Variants in RANBP2 observed in about 807,000 individuals in gnomAD.
The protein encoded by RANBP2 is E3 SUMO-protein ligase RanBP2.
In RANBP2, 57 loss-of-function variants were observed where a neutral mutation model predicts 303.6. That is an observed-to-expected ratio of 0.19 (90% CI 0.15 to 0.23). The LOEUF (loss-of-function observed/expected upper bound fraction) is 0.23. Ranked by LOEUF, RANBP2 falls within the 10% of genes least tolerant of loss-of-function variation. RANBP2 has a pLI of 1.00. For synonymous variants in RANBP2, 1,167 were observed against 1,301.5 expected (o/e 0.90, Z 2.23); for missense variants, 3,138 against 3,780.8 (o/e 0.83, Z 4.46).
At chr2:109,281,522 A>G in the RANBP2 span, among the ~76,000 whole-genome samples, 1 of 152,186 alleles carries the variant, frequency 6.6e-6, no homozygotes, top group African/African-American at 2.4e-5. Context: ...GCTGGTCCTC[A>G]GCAGAGCATG....
chr2:109,369,938 T>A, the RANBP2 span, among the ~76,000 whole-genome samples: 1 of 152,120 alleles, frequency 6.6e-6, no homozygotes, highest in East Asian at 1.9e-4. Context: ...GAAAGGCGGG[T>A]GGTGCACTCA....
the RANBP2 span, among the ~76,000 whole-genome samples, chr2:109,349,326 C>G: frequency 6.6e-6 from 1 of 152,230 alleles, no homozygotes; most frequent in East Asian, 1.9e-4. Context: ...CTTCTCCCTT[C>G]CTTTTATCAA....
chr2:109,059,448 G>A, the RANBP2 span, among the ~76,000 whole-genome samples: 1 of 152,050 alleles, frequency 6.6e-6, no homozygotes, highest in African/African-American at 2.4e-5. Context: ...GGCGGTGGGT[G>A]CCTGTAGTCC....
At position 108,766,113 on chromosome 2, in the gene RANBP2, A is replaced by T. The variant is rs879704165; in HGVS notation, c.5574A>T (p.Gly1858=). 30 of 1,614,076 alleles carry T rather than the reference A, an allele frequency of 1.9e-5. No homozygotes were observed. Among genetic ancestry groups the T allele is most frequent in the Non-Finnish European group, 2.5e-5 (29 of 1,180,008 alleles). Residue 1858 remains glycine, a synonymous_variant, in exon 20 of 29, where the codon GGA becomes GGT. Transcript: ENST00000283195. ...KASKFGNTEQ[G]FKFGHVDQEN... ...CTAAGTTTGGCAATACAGAGCAAGG[A>T]TTCAAATTTGGGCATGTGGATCAAG...
the RANBP2 span, among the ~76,000 whole-genome samples, chr2:109,688,199 G>A: frequency 2.0e-5 from 3 of 152,194 alleles, no homozygotes; most frequent in East Asian, 1.9e-4. Context: ...CCTATTTCTC[G>A]GGGCAACAGC....
chr2:109,225,168 T>G, the RANBP2 span, among the ~76,000 whole-genome samples: 1 of 152,218 alleles, frequency 6.6e-6, no homozygotes. Flanking sequence ...TGAGGTTCTA[T>G]GGCTTCTGCT....
At chr2:109,728,931 C>T in the RANBP2 span, among the ~76,000 whole-genome samples, 1 of 152,060 alleles carries the variant, frequency 6.6e-6, no homozygotes, top group East Asian at 1.9e-4. Flanking sequence ...ATTTAACATT[C>T]GGTACCATCT....
the RANBP2 span, chr2:109,585,146 G>T: frequency 6.3e-7 from 1 of 1,575,680 alleles, no homozygotes; most frequent in Non-Finnish European, 8.6e-7. Context: ...TATTTATTTG[G>T]TCACCAAATC....
At chr2:109,466,220 C>G in the RANBP2 span, among the ~76,000 whole-genome samples, 1 of 151,614 alleles carries the variant, frequency 6.6e-6, no homozygotes, top group Non-Finnish European at 1.5e-5. Context: ...GTAGCTGGGA[C>G]TACAGGCGCG....
chr2:109,313,732 G>A, the RANBP2 span: 1 of 155,012 alleles, frequency 6.5e-6, no homozygotes, highest in Non-Finnish European at 1.5e-5. Flanking sequence ...TGTGCCTTGA[G>A]CTGAAAGGTG....
At chr2:109,430,500 A>T in the RANBP2 span, among the ~76,000 whole-genome samples, 1 of 144,420 alleles carries the variant, frequency 6.9e-6, no homozygotes, top group Non-Finnish European at 1.5e-5. Flanking sequence ...GTCCTCTCCC[A>T]TCCTCTCCCC....
chr2:109,399,604 C>T, the RANBP2 span, among the ~76,000 whole-genome samples: 5 of 152,104 alleles, frequency 3.3e-5, no homozygotes, highest in Non-Finnish European at 7.3e-5. Flanking sequence ...CCTGTCTCTA[C>T]AAGCAACCAA....
the RANBP2 span, among the ~76,000 whole-genome samples, chr2:108,964,366 C>G: frequency 6.6e-6 from 1 of 152,146 alleles, no homozygotes; most frequent in African/African-American, 2.4e-5. Context: ...CATGATGCCA[C>G]GGCTCCAAAG....
At chr2:109,087,816 C>T in the RANBP2 span, among the ~76,000 whole-genome samples, 863 of 152,224 alleles carry the variant, frequency 5.7e-3, 8 homozygotes, top group South Asian at 8.3e-3. Context: ...ACAGGGCAGC[C>T]TCCATGAGGA....
the RANBP2 span, among the ~76,000 whole-genome samples, chr2:109,391,269 T>C: frequency 2.6e-5 from 4 of 152,204 alleles, no homozygotes; most frequent in Non-Finnish European, 4.4e-5. Context: ...TGCCAGCCCA[T>C]TGGGCAGCCC....
At chr2:109,598,901 A>T in the RANBP2 span, among the ~76,000 whole-genome samples, 53,865 of 151,800 alleles carry the variant, frequency 0.35, 11,236 homozygotes, top group Middle Eastern at 0.55. Flanking sequence ...AAAATAAAAA[A>T]AAAATTATTA....
At chr2:109,237,297 A>C in the RANBP2 span, among the ~76,000 whole-genome samples, 1 of 152,252 alleles carries the variant, frequency 6.6e-6, no homozygotes, top group African/African-American at 2.4e-5. Flanking sequence ...TATCTTTATC[A>C]GAAAACATGG....
chr2:109,419,763 GT>G, the RANBP2 span: 2 of 867,312 alleles, frequency 2.3e-6, no homozygotes, highest in Non-Finnish European at 3.5e-6. Context: ...GGCCAGTATA[GT>G]TATGTGCGTC....
At chr2:108,941,472 C>G in the RANBP2 span, among the ~76,000 whole-genome samples, 1 of 152,144 alleles carries the variant, frequency 6.6e-6, no homozygotes. Context: ...ACAGCTTCCC[C>G]TGAGCTGTTC....
Sources: allele counts gnomAD v4.1 joint callset (sites outside exome capture counted in the v4.1 genomes callset), GRCh38; gene constraint gnomAD v4.1.1; transcripts MANE v1.5; gene names NCBI Gene and HGNC (gene_info 2026-07-23, HGNC 2026-07-21).